CCDC3: variants seen among roughly 807,000 people sequenced by gnomAD.
The protein encoded by CCDC3 is coiled-coil domain-containing protein 3.
CCDC3 carries 24 observed loss-of-function variants against 21.4 expected under a neutral mutation model. The ratio of observed to expected loss-of-function variants is 1.12; its 90% confidence interval spans 0.81 to 1.58. CCDC3 has a LOEUF of 1.58. CCDC3 is among the 40% of genes most tolerant of loss of function. The pLI is 0.00. For missense variants in CCDC3, 425 were observed against 360.9 expected (o/e 1.18, Z -1.44); for synonymous variants, 186 against 166.0 (o/e 1.12, Z -0.93).
At chr10:12,974,701 C>A (rs1181622911) in intron 2 of CCDC3, among the ~76,000 whole-genome samples, 2 of 152,164 alleles carry the variant, frequency 1.3e-5, no homozygotes, top group African/African-American at 4.8e-5. Context: ...TCCTCCCCGG[C>A]CAACATGACA....
Position 12,898,227 on chromosome 10 carries a change from T to TG in CCDC3, c.*188dup, listed in dbSNP as rs980555973. The TG allele has an allele frequency of 7.3e-6, 5 of 684,500 alleles. No homozygotes were observed. The highest frequency in any genetic ancestry group is 3.0e-5 in the Admixed American group (1 of 33,662). The allele number at this position is 684,500 out of a possible 1,614,324, so 42.4% of individuals were successfully genotyped here. On this transcript the variant is annotated 3_prime_UTR_variant, in exon 3 of 3. Coordinates refer to ENST00000378825, the MANE Select transcript of CCDC3 (RefSeq NM_031455.4). ...GGTCAGGCCAGGAAGGGGCAGCGCGTGGGGTCTGACATTGAGGCCAGCACC... is the reference window on the plus strand; with the variant it reads ...GGTCAGGCCAGGAAGGGGCAGCGCGTGGGGGTCTGACATTGAGGCCAGCACC...
chr10:13,003,993 T>C (rs1044076320), upstream of CCDC3, among the ~76,000 whole-genome samples: 40 of 152,210 alleles, frequency 2.6e-4, no homozygotes, highest in African/African-American at 9.2e-4. Flanking sequence ...GCCATTGCAG[T>C]GTACCGTAGT....
At chr10:13,007,951 C>T (rs1324818818) in intron 5 of CCDC3, among the ~76,000 whole-genome samples, 1 of 152,100 alleles carries the variant, frequency 6.6e-6, no homozygotes, top group Non-Finnish European at 1.5e-5. Flanking sequence ...GAGCTTCTGT[C>T]TGGGGCTTCC....
intron 2 of CCDC3, among the ~76,000 whole-genome samples, chr10:12,974,834 C>T (rs1304107988): frequency 1.3e-5 from 2 of 152,236 alleles, no homozygotes; most frequent in Admixed American, 6.5e-5. Flanking sequence ...TTCATGGCAG[C>T]ACAGTCTCCC....
In CCDC3 at chr10:12,898,349, A is replaced by G. The variant is rs908695823; in HGVS notation, c.*67T>C. The G allele has an allele frequency of 6.6e-5, 97 of 1,463,310 alleles. No individual in the cohort carries two copies. Among genetic ancestry groups the G allele is most frequent in the Middle Eastern group, 2.5e-4 (1 of 3,982 alleles). 90.6% of individuals were successfully genotyped at this position (1,463,310 alleles called of 1,614,324 possible). A position where few individuals can be genotyped will look rare whatever the true frequency, so the allele number is the denominator to read the frequency against. ...TACAACCCTTGAAATAGCTGCATGT[A>G]CGAAACCTCACTCATTCTCAATTAC... On this transcript the variant is annotated 3_prime_UTR_variant, in exon 3 of 3. Transcript: ENST00000378825.
intron 4 of CCDC3, among the ~76,000 whole-genome samples, chr10:13,051,461 A>C (rs1389944794): frequency 6.6e-6 from 1 of 152,190 alleles, no homozygotes; most frequent in Non-Finnish European, 1.5e-5. Flanking sequence ...AGTGTCATTC[A>C]CCTTAAAGTC....
At chr10:13,045,380 C>G (rs905037155) in intron 5 of CCDC3, among the ~76,000 whole-genome samples, 4 of 152,144 alleles carry the variant, frequency 2.6e-5, no homozygotes, top group African/African-American at 9.7e-5. Context: ...GTGGCTCATG[C>G]CTGTAATCGC....
rs894482766 is a variant in CCDC3 at position 12,901,480 on chromosome 10, G to A, written c.550-2801C>T. Among the ~76,000 whole-genome samples the A allele has an allele frequency of 9.2e-5, 14 of 151,822 alleles. 1 individual carries two copies. Among genetic ancestry groups the A allele is most frequent in the African/African-American group, 3.4e-4 (14 of 41,282 alleles). The stretch of plus-strand genomic sequence containing the variant: ...TGTAGAGATGGGGTTTCACCATATT[G>A]GCCAGGATGGTCTCGATTTCCTGAC... On this transcript the variant is annotated intron_variant, in intron 2 of 2. Transcript: ENST00000378825.
chr10:13,089,139 C>A (rs898308556), intron 3 of CCDC3, among the ~76,000 whole-genome samples: 2 of 152,070 alleles, frequency 1.3e-5, no homozygotes, highest in Non-Finnish European at 2.9e-5. Context: ...CACAGCGGAC[C>A]ATATAAAATA....
intron 2 of CCDC3, among the ~76,000 whole-genome samples, chr10:12,984,621 A>G (rs1239367285): frequency 2.0e-5 from 3 of 152,256 alleles, no homozygotes; most frequent in South Asian, 2.1e-4. Flanking sequence ...AGCATTATTT[A>G]TAACAGGCAA....
intron 2 of CCDC3, among the ~76,000 whole-genome samples, chr10:12,936,716 T>C (rs2131233320): frequency 6.6e-6 from 1 of 152,326 alleles, no homozygotes; most frequent in African/African-American, 2.4e-5. Flanking sequence ...GAGAATCTTT[T>C]AGGCAGATGC....
rs1468885848 is a variant in CCDC3 at position 12,897,223 on chromosome 10, A to T, written c.*1193T>A. 6.6e-6 allele frequency: 1 copy of T among 152,232 alleles called. No homozygotes were observed. The highest frequency in any genetic ancestry group is 2.4e-5 in the African/African-American group (1 of 41,464). The allele number at this position is 152,232 out of a possible 1,614,324, so 9.4% of individuals were successfully genotyped here. On this transcript the variant is annotated 3_prime_UTR_variant, in exon 3 of 3. Transcript: ENST00000378825. Reference sequence around the variant, plus strand: ...TAACCCAGAAAAGGCCACCCAGTTGACTTCTTAATCACACAGCTGGGACCC... The same window carrying T: ...TAACCCAGAAAAGGCCACCCAGTTGTCTTCTTAATCACACAGCTGGGACCC...
Position 13,060,411 on chromosome 10 carries a change from G to A in CCDC3, c.-269-10470C>T, listed in dbSNP as rs137963480. 2.2e-4 allele frequency among the ~76,000 whole-genome samples: 33 copies of A among 152,210 alleles called. 1 individual carries two copies. In the East Asian group the frequency reaches 3.7e-3, roughly 17 times the overall value. ...GGGATGTGGGCTGGAGAGGAGTTGC[G>A]TATAAAGGCCAAGGAGCAGAAGTCA... is the stretch of plus-strand genomic sequence containing the variant. On this transcript the variant is annotated intron_variant, in intron 4 of 6. Transcript: ENST00000378839.
chr10:13,005,402 G>A (rs1174044999), upstream of CCDC3, among the ~76,000 whole-genome samples: 1 of 152,160 alleles, frequency 6.6e-6, no homozygotes, highest in Non-Finnish European at 1.5e-5. Flanking sequence ...CAGTCTCTTG[G>A]ATACCATTTC....
At chr10:12,906,311 G>A (rs1834171110) in intron 2 of CCDC3, among the ~76,000 whole-genome samples, 2 of 152,198 alleles carry the variant, frequency 1.3e-5, no homozygotes, top group South Asian at 4.1e-4. Flanking sequence ...TGCTTCCCTG[G>A]TGCCAGGAGC....
chr10:12,911,865 T>A (rs1380941661), intron 2 of CCDC3, among the ~76,000 whole-genome samples: 1 of 151,972 alleles, frequency 6.6e-6, no homozygotes, highest in Non-Finnish European at 1.5e-5. Context: ...TTTTAGCTCA[T>A]TTTTTTTAGA....
chr10:13,069,313 A>G (rs1371359848), intron 4 of CCDC3, among the ~76,000 whole-genome samples: 1 of 152,226 alleles, frequency 6.6e-6, no homozygotes, highest in East Asian at 1.9e-4. Flanking sequence ...CATATTAACT[A>G]CATTCAAATG....
intron 2 of CCDC3, among the ~76,000 whole-genome samples, chr10:12,979,083 C>T (rs945077485): frequency 6.6e-6 from 1 of 152,110 alleles, no homozygotes; most frequent in African/African-American, 2.4e-5. Flanking sequence ...AAATTGCTCA[C>T]AAGGAAATTC....
chr10:12,969,713 T>C (rs1835314043), intron 2 of CCDC3, among the ~76,000 whole-genome samples: 1 of 148,976 alleles, frequency 6.7e-6, no homozygotes, highest in Non-Finnish European at 1.5e-5. Flanking sequence ...AATATTTTAA[T>C]AATTTTAATA....
Sources: allele counts gnomAD v4.1 joint callset (sites outside exome capture counted in the v4.1 genomes callset), GRCh38; gene constraint gnomAD v4.1.1; transcripts MANE v1.5; gene names NCBI Gene and HGNC (gene_info 2026-07-23, HGNC 2026-07-21).